Variants in ADAR observed in about 807,000 individuals in gnomAD.
The protein encoded by ADAR is adenosine deaminase RNA specific, also known as double-stranded RNA-specific adenosine deaminase.
ADAR carries 41 observed loss-of-function variants against 113.2 expected under a neutral mutation model. That is an observed-to-expected ratio of 0.36 (90% CI 0.28 to 0.47). The LOEUF (loss-of-function observed/expected upper bound fraction) is 0.47, where lower values mean the gene tolerates loss of function less well. Among genes scored for constraint, ADAR ranks in the 20% least tolerant of loss-of-function variants. The pLI is 1.00. For missense variants in ADAR, 1,242 were observed against 1,540.9 expected, an observed-to-expected ratio of 0.81 and a Z score of 3.25; for synonymous variants, 605 against 572.6, an observed-to-expected ratio of 1.06 and a Z score of -0.81.
intron 1 of ADAR, among the ~76,000 whole-genome samples, chr1:154,623,108 A>T: frequency 6.6e-6 from 1 of 152,208 alleles, no homozygotes; most frequent in East Asian, 1.9e-4. Flanking sequence ...TGGAGACATG[A>T]CCAATAAACA....
At chr1:154,609,039 C>T (rs1698390594), upstream of ADAR, among the ~76,000 whole-genome samples, 1 of 152,216 alleles carries the variant, frequency 6.6e-6, no homozygotes, top group African/African-American at 2.4e-5. Context: ...AAGTACTTTA[C>T]ATGTATTATC....
rs1041447405 is a variant in ADAR, at chr1:154,584,992, A to G, written c.3495T>C (p.Phe1165=). The change falls in exon 15 of 15, where the codon TTT becomes TTC. Residue 1165 remains phenylalanine (F), a synonymous_variant. Transcript: ENST00000368474. ...GGTAACGGAAGGAGCAGAGCTTCTT[A>G]AATAGAAGAAAAATGTTCTTTTTGG... ...RVSKKNIFLL[F]KKLCSFRYRR... 1 of 1,614,038 alleles carries G rather than the reference A, an allele frequency of 6.2e-7. No homozygotes were observed. The highest frequency in any genetic ancestry group is 8.5e-7 in the Non-Finnish European group (1 of 1,180,052).
chr1:154,590,413 T>C lies in ADAR; in HGVS notation c.2271-4A>G, dbSNP rs1487569629. 3.1e-6 allele frequency: 5 copies of C among 1,613,760 alleles called. No homozygotes were observed. ...AACTTTTGCTTGGTAAACGAACCTTTGGGATGAGAAACAGAGAATGAAGAC... is the reference window on the plus strand; with the variant it reads ...AACTTTTGCTTGGTAAACGAACCTTCGGGATGAGAAACAGAGAATGAAGAC... On this transcript the variant is annotated splice_polypyrimidine_tract_variant and splice_region_variant and intron_variant, in intron 6 of 14. Coordinates refer to ENST00000368474, the MANE Select transcript of ADAR (RefSeq NM_001111.5).
rs373579370 is a variant in ADAR, at chr1:154,586,474, C to T, written c.3020-111G>A. 3.7e-4 allele frequency: 407 copies of T among 1,102,722 alleles called. 1 individual carries two copies. The African/African-American group carries it at 5.8e-3, about 16-fold the overall frequency. 68.3% of individuals were successfully genotyped at this position (1,102,722 alleles called of 1,614,324 possible). A position where few individuals can be genotyped will look rare whatever the true frequency, so the allele number is the denominator to read the frequency against. On this transcript the variant is annotated intron_variant, in intron 11 of 14. Coordinates refer to ENST00000368474, the MANE Select transcript of ADAR (RefSeq NM_001111.5). The stretch of plus-strand genomic sequence containing the variant: ...CCACAGGCTACATTCATTCATTCTT[C>T]ACATATTTCACAGCCCCTGCTATGC...
At chr1:154,597,096 T>C in intron 5 of ADAR, 27 bp downstream of exon 5, 1 of 1,614,166 alleles carries the variant, frequency 6.2e-7, no homozygotes, top group East Asian at 2.2e-5. Flanking sequence ...AAATGACCTG[T>C]ATCTTTTGAG....
intron 2 of ADAR, chr1:154,600,479 CT>C (rs1014062497): frequency 6.5e-3 from 908 of 139,588 alleles, no homozygotes; most frequent in South Asian, 0.021. Context: ...TCATTTCTTT[CT>C]TTTTTTTTTT....
intron 1 of ADAR, 114 bp from the exon 2 acceptor site, chr1:154,602,740 T>C: frequency 7.5e-7 from 1 of 1,339,430 alleles, no homozygotes; most frequent in Non-Finnish European, 1.0e-6. Context: ...AGAAGGCAAT[T>C]GAGCCATGGG....
intron 1 of ADAR, among the ~76,000 whole-genome samples, chr1:154,616,024 C>G (rs897884081): frequency 6.6e-6 from 1 of 152,060 alleles, no homozygotes; most frequent in African/African-American, 2.4e-5. Context: ...AAAATCTGAT[C>G]ATGTCATGCA....
upstream of ADAR, among the ~76,000 whole-genome samples, chr1:154,610,024 C>A (rs149042683): frequency 5.3e-5 from 8 of 152,218 alleles, no homozygotes; most frequent in African/African-American, 1.9e-4. Flanking sequence ...CAAAAACAAT[C>A]GAAAGACAAC....
intron 1 of ADAR, among the ~76,000 whole-genome samples, chr1:154,603,629 T>C (rs1409745419): frequency 6.6e-6 from 1 of 152,238 alleles, no homozygotes; most frequent in African/African-American, 2.4e-5. Context: ...TGTGACCCCT[T>C]TCCCCACCCA....
At chr1:154,620,689 T>G (rs1254611196) in intron 1 of ADAR, among the ~76,000 whole-genome samples, 6 of 152,196 alleles carry the variant, frequency 3.9e-5, no homozygotes, top group Non-Finnish European at 8.8e-5. Context: ...TAATCTATAG[T>G]GATAGATATC....
intron 11 of ADAR, among the ~76,000 whole-genome samples, chr1:154,587,597 A>T (rs1411343490): frequency 6.6e-6 from 1 of 152,164 alleles, no homozygotes; most frequent in Admixed American, 6.5e-5. Context: ...ATGACTGCTG[A>T]CGTGGCCTGA....
chr1:154,618,208 T>TA (rs917866926), intron 1 of ADAR, among the ~76,000 whole-genome samples: 45 of 151,292 alleles, frequency 3.0e-4, no homozygotes, highest in Non-Finnish European at 5.3e-4. Flanking sequence ...AACATTAAAT[T>TA]AAAAAAAAGA....
chr1:154,589,313 G>A lies in ADAR; in HGVS notation c.2762+56C>T. ...GGCCGTGTCAGAGCCATGTGGGGCA[G>A]GGAACTGGAGCTCTCCACAGCCGGG... On this transcript the variant is annotated intron_variant, in intron 9 of 14. Coordinates refer to ENST00000368474, the MANE Select transcript of ADAR (RefSeq NM_001111.5). The A allele has an allele frequency of 2.9e-6, 4 of 1,395,882 alleles. No homozygotes were observed. The Admixed American group carries it at 6.7e-5, about 23-fold the overall frequency. 86.5% of individuals were successfully genotyped at this position (1,395,882 alleles called of 1,614,324 possible).
intron 1 of ADAR, among the ~76,000 whole-genome samples, chr1:154,605,051 G>C (rs1354805271): frequency 2.6e-5 from 4 of 152,178 alleles, no homozygotes; most frequent in Non-Finnish European, 5.9e-5. Context: ...ATTAAGGCTA[G>C]AAACCTGCGT....
chr1:154,589,401 A>G lies in ADAR; in HGVS notation c.2730T>C (p.His910=). ...SLKGETVNDC[H]AEIISRRGFI... The stretch of plus-strand genomic sequence containing the variant: ...AGCCTCTCCGGGAGATTATTTCTGC[A>G]TGGCAGTCATTGACAGTTTCTCCTT... The change falls in exon 9 of 15, where the codon CAT becomes CAC. Residue 910 remains histidine (H), a synonymous_variant. Transcript: ENST00000368474. 3 of 1,614,192 alleles carry G rather than the reference A, an allele frequency of 1.9e-6. No individual in the cohort carries two copies. The highest frequency in any genetic ancestry group is 2.5e-6 in the Non-Finnish European group (3 of 1,180,010).
At chr1:154,594,770 T>C (rs1466907448) in intron 6 of ADAR, among the ~76,000 whole-genome samples, 2 of 152,236 alleles carry the variant, frequency 1.3e-5, no homozygotes, top group African/African-American at 4.8e-5. Context: ...CTATTAAATG[T>C]TTACTTCTGA....
rs773129591 is a variant in ADAR at position 154,586,288 on chromosome 1, C to T, written c.3095G>A (p.Arg1032His). 1.2e-5 allele frequency: 20 copies of T among 1,614,196 alleles called. No individual in the cohort carries two copies. The highest frequency in any genetic ancestry group is 2.2e-5 in the South Asian group (2 of 91,084). ...WDGIRLGERL[R>H]TMSCSDKILR... ...GATTTTGTCACTACAGGACATGGTACGGAGTCTCTCCCCGAGCCGAATGCC... is the reference window on the plus strand; with the variant it reads ...GATTTTGTCACTACAGGACATGGTATGGAGTCTCTCCCCGAGCCGAATGCC... The change falls in exon 12 of 15, where the codon CGT becomes CAT. Residue 1032 changes from arginine to histidine, a missense_variant. Arg to His is a conservative substitution (Grantham distance 29). This residue lies in a region of ADAR where 780 missense variants were observed against 1,057.9 expected (regional missense o/e 0.74). Transcript: ENST00000368474.
chr1:154,618,096 G>A (rs1698684759), intron 1 of ADAR, among the ~76,000 whole-genome samples: 1 of 149,846 alleles, frequency 6.7e-6, no homozygotes. Flanking sequence ...CATTACTATA[G>A]TAATATATAA....
Sources: gnomAD v4.1 joint callset for allele counts (sites outside exome capture counted in the v4.1 genomes callset) on GRCh38, gnomAD v4.1.1 for gene constraint, gnomAD v4.1.1 regional missense constraint, MANE v1.5 for transcripts, NCBI Gene and HGNC (gene_info 2026-07-23, HGNC 2026-07-21) for gene names.